The following PCDHGA2 variants were observed in gnomAD, a reference collection of about 807,000 sequenced individuals.
PCDHGA2 encodes protocadherin gamma-A2.
A neutral mutation model predicts 59.2 loss-of-function variants in PCDHGA2; 40 were observed. That is an observed-to-expected ratio of 0.68 (90% CI 0.52 to 0.88). PCDHGA2 has a LOEUF of 0.88. PCDHGA2 is among the 40% of genes least tolerant of loss of function. The pLI is 0.00. For synonymous variants in PCDHGA2, 560 were observed against 526.0 expected, an observed-to-expected ratio of 1.06 and a Z score of -0.89; for missense variants, 1,226 against 1,204.0, an observed-to-expected ratio of 1.02 and a Z score of -0.27.
chr5:141,356,894 C>T (rs777988497), intron 1 of PCDHGA2: 1 of 1,614,096 alleles, frequency 6.2e-7, no homozygotes, highest in African/African-American at 1.3e-5. Flanking sequence ...ATCCTGTACC[C>T]CACCTTCCCT....
intron 1 of PCDHGA2, among the ~76,000 whole-genome samples, chr5:141,451,985 A>G (rs1460304088): frequency 6.6e-6 from 1 of 152,202 alleles, no homozygotes; most frequent in Non-Finnish European, 1.5e-5. Context: ...TAGTTTGTTC[A>G]TTAGAAGCAA....
Position 141,340,217 on chromosome 5 carries a change from T to C in PCDHGA2, c.1246T>C (p.Ser416Pro), listed in dbSNP as rs1277025889. The C allele has an allele frequency of 6.2e-7, 1 of 1,614,064 alleles. No individual in the cohort carries two copies. Among genetic ancestry groups the C allele is most frequent in the African/African-American group, 1.3e-5 (1 of 74,920 alleles). Residue 416 changes from serine (S) to proline (P), a missense_variant, in exon 1 of 4, where the codon TCC becomes CCC. Ser to Pro is a moderately conservative substitution (Grantham distance 74, BLOSUM62 -1). Coordinates refer to ENST00000394576, the MANE Select transcript of PCDHGA2 (RefSeq NM_018915.4). ...TTRALDREQF[S>P]FYNITLTAKD... ...CAGAGCCCTTGACAGGGAACAGTTT[T>C]CCTTTTACAACATCACTCTAACCGC...
intron 1 of PCDHGA2, chr5:141,371,505 A>G: frequency 6.2e-7 from 1 of 1,613,908 alleles, no homozygotes; most frequent in Non-Finnish European, 8.5e-7. Flanking sequence ...CCTGATCAAA[A>G]CACATGATCT....
chr5:141,354,620 T>G (rs1401414330), intron 1 of PCDHGA2, among the ~76,000 whole-genome samples: 1 of 152,218 alleles, frequency 6.6e-6, no homozygotes. Flanking sequence ...CCCACTGTCT[T>G]TTCACTTATC....
Position 141,341,387 on chromosome 5 carries a change from T to C in PCDHGA2, c.2416T>C (p.Phe806Leu), listed in dbSNP as rs66823521. ...ACTCGAAGAAGAAAGAGAAGAAACG[T>C]TTTCTCAGGTAATCTATCTTTTCAC... is the stretch of plus-strand genomic sequence containing the variant. ...SLLEEEREET[F>L]SQQAPPNTDW... Residue 806 changes from phenylalanine (F) to leucine (L), a missense_variant, in exon 1 of 4, where the codon TTT becomes CTT. Physicochemically the swap from Phe to Leu is conservative, Grantham distance 22. Coordinates refer to ENST00000394576, the MANE Select transcript of PCDHGA2 (RefSeq NM_018915.4). The C allele has an allele frequency of 0.11, 184,180 of 1,614,114 alleles. 12,047 individuals are homozygous for C. Among genetic ancestry groups the C allele is most frequent in the Non-Finnish European group, 0.13 (154,568 of 1,180,010 alleles).
Position 141,487,540 on chromosome 5 carries a change from G to T in PCDHGA2, c.2425-7267G>T, listed in dbSNP as rs1319372340. The T allele has an allele frequency of 1.2e-6, 2 of 1,614,208 alleles. No homozygotes were observed. Among genetic ancestry groups the T allele is most frequent in the Admixed American group, 3.3e-5 (2 of 60,034 alleles). ...GGAGTGATAGCTTCATGATGGTGAA[G>T]TCACCCAGTGCACCTATGGCAGGGG... is the stretch of plus-strand genomic sequence containing the variant. On this transcript the variant is annotated intron_variant, in intron 1 of 3. Transcript: ENST00000394576. This position sits in a 1 kb window ranked among gnomAD's most constrained non-coding sequence, Gnocchi z 5.0.
chr5:141,454,832 G>A (rs1311246854), intron 1 of PCDHGA2, among the ~76,000 whole-genome samples: 2 of 75,830 alleles, frequency 2.6e-5, no homozygotes, highest in African/African-American at 1.3e-4. Context: ...TTTTGAGACA[G>A]AGTCGCGCTC....
chr5:141,350,919 GC>G (rs764101793), intron 1 of PCDHGA2: 22 of 1,613,980 alleles, frequency 1.4e-5, no homozygotes, highest in Non-Finnish European at 1.9e-5. Context: ...CCGCCTCTAA[GC>G]GGCACCACCC....
chr5:141,421,650 A>G, intron 1 of PCDHGA2: 1 of 1,613,868 alleles, frequency 6.2e-7, no homozygotes, highest in South Asian at 1.1e-5. Flanking sequence ...AAGTGGAGAT[A>G]AAAGTCAGTG....
intron 1 of PCDHGA2, chr5:141,374,361 A>G (rs1418865389): frequency 6.2e-7 from 1 of 1,614,016 alleles, no homozygotes; most frequent in East Asian, 2.2e-5. Flanking sequence ...ATAGACCGCG[A>G]GGAGCTCTGT....
At chr5:141,479,855 C>T (rs1330076788) in intron 1 of PCDHGA2, among the ~76,000 whole-genome samples, 2 of 152,128 alleles carry the variant, frequency 1.3e-5, no homozygotes, top group Non-Finnish European at 2.9e-5. Context: ...ACTGCAAGGC[C>T]TTTGCCCTGG....
intron 1 of PCDHGA2, among the ~76,000 whole-genome samples, chr5:141,456,460 C>G (rs1444956833): frequency 6.6e-6 from 1 of 152,002 alleles, no homozygotes; most frequent in East Asian, 1.9e-4. Context: ...AATATCAATA[C>G]AAGACATATA....
chr5:141,366,143 T>C, intron 1 of PCDHGA2: 1 of 1,614,160 alleles, frequency 6.2e-7, no homozygotes. Flanking sequence ...CGCCTGGCTG[T>C]CCTACCGCCT....
At chr5:141,389,326 C>T (rs763831269) in intron 1 of PCDHGA2, 1 of 1,613,994 alleles carries the variant, frequency 6.2e-7, no homozygotes, top group Admixed American at 1.7e-5. Flanking sequence ...GACTTGGGGC[C>T]CAACGGCCAA....
intron 3 of PCDHGA2, among the ~76,000 whole-genome samples, chr5:141,506,943 T>A (rs2099857373): frequency 6.6e-6 from 1 of 152,192 alleles, no homozygotes; most frequent in South Asian, 2.1e-4. Context: ...GGGCCTCCTG[T>A]CAATGAATCC....
At chr5:141,426,986 C>A (rs764345099) in intron 1 of PCDHGA2, 6 of 456,618 alleles carry the variant, frequency 1.3e-5, no homozygotes, top group Non-Finnish European at 2.2e-5. Flanking sequence ...CTGATGCCAA[C>A]GATAATGCCC....
At chr5:141,395,375 G>A (rs761076022) in intron 1 of PCDHGA2, 34 of 1,180,184 alleles carry the variant, frequency 2.9e-5, no homozygotes, top group Non-Finnish European at 3.3e-5. Flanking sequence ...TTTTGGTGGT[G>A]TTACTATAAA....
chr5:141,458,922 G>A (rs747489537), intron 1 of PCDHGA2, among the ~76,000 whole-genome samples: 2 of 151,918 alleles, frequency 1.3e-5, no homozygotes, highest in East Asian at 1.9e-4. Flanking sequence ...TTGTGGAGAC[G>A]GGGTCTCACT....
rs757065593 is a variant in PCDHGA2, at chr5:141,418,576, C to G, written c.2425-76231C>G. 1.5e-5 allele frequency: 25 copies of G among 1,614,012 alleles called. No homozygotes were observed. In the South Asian group the frequency reaches 2.7e-4, roughly 18 times the overall value. On this transcript the variant is annotated intron_variant, in intron 1 of 3. Transcript: ENST00000394576. ...TGGTAATAGATGCCAATGACAACCCCCCAGTGTTCAGCCAGGACGTGTACA... is the reference window on the plus strand; with the variant it reads ...TGGTAATAGATGCCAATGACAACCCGCCAGTGTTCAGCCAGGACGTGTACA...
Sources: allele counts gnomAD v4.1 joint callset (sites outside exome capture counted in the v4.1 genomes callset), GRCh38; gene constraint gnomAD v4.1.1; non-coding constraint Gnocchi (gnomAD v3.1); transcripts MANE v1.5; gene names NCBI Gene and HGNC (gene_info 2026-07-23, HGNC 2026-07-21).